The following PLG variants were observed in gnomAD, a reference collection of about 807,000 sequenced individuals.
PLG encodes the protein plasmin.
In PLG, 41 loss-of-function variants were observed where a neutral mutation model predicts 104.4. The observed-to-expected ratio is 0.39, with a 90% CI of 0.31 to 0.51. The LOEUF (loss-of-function observed/expected upper bound fraction) is 0.51. Ranked by LOEUF, PLG falls within the 20% of genes least tolerant of loss-of-function variation. The probability of loss-of-function intolerance (pLI) is 0.76; values close to 1 mark genes in which losing one functional copy is unlikely to be tolerated. For synonymous variants in PLG, 337 were observed against 357.1 expected (o/e 0.94, Z 0.63); for missense variants, 891 against 1,003.6 (o/e 0.89, Z 1.52).
At chr6:160,702,443 T>C (rs1057166489) in intron 1 of PLG, 90 bp downstream of exon 1, 3 of 1,322,504 alleles carry the variant, frequency 2.3e-6, no homozygotes, top group Non-Finnish European at 3.2e-6. Context: ...GTGCAATTCA[T>C]TTAATTTTTG....
Position 160,738,499 on chromosome 6 carries a change from A to G in PLG, c.1803-39A>G, listed in dbSNP as rs540027612. The G allele has an allele frequency of 1.7e-6, 2 of 1,205,556 alleles. No homozygotes were observed. Among genetic ancestry groups the G allele is most frequent in the East Asian group, 4.6e-5 (2 of 43,056 alleles). 74.7% of individuals were successfully genotyped at this position (1,205,556 alleles called of 1,614,324 possible). On this transcript the variant is annotated intron_variant, in intron 14 of 18. Coordinates refer to ENST00000308192, the MANE Select transcript of PLG (RefSeq NM_000301.5). The surrounding 1 kb of genome is among the most constrained non-coding windows in gnomAD (Gnocchi z 6.8). ...TCTGTACAATGGAGCAGAACAAAGT[A>G]TCAATTTAACTAAAATTTGAACTAA...
chr6:160,752,758 G>C lies in PLG; in HGVS notation c.2272-142G>C, dbSNP rs1778423267. On this transcript the variant is annotated intron_variant, in intron 18 of 18. Transcript: ENST00000308192. This position sits in a 1 kb window ranked among gnomAD's most constrained non-coding sequence, Gnocchi z 4.7. ...TTTTGCTAAGTACTTAAGCACTGCA[G>C]ATGCTTGAGTAATATGCTCATAAGT... 2 of 1,030,908 alleles carry C rather than the reference G, an allele frequency of 1.9e-6. No homozygotes were observed. Among genetic ancestry groups the C allele is most frequent in the Admixed American group, 3.9e-5 (2 of 51,172 alleles). The allele number at this position is 1,030,908 out of a possible 1,614,324, so 63.9% of individuals were successfully genotyped here. A position where few individuals can be genotyped will look rare whatever the true frequency, so the allele number is the denominator to read the frequency against.
chr6:160,718,279 T>A lies in PLG; in HGVS notation c.788-15T>A. The A allele has an allele frequency of 6.2e-7, 1 of 1,607,594 alleles. No homozygotes were observed. Among genetic ancestry groups the A allele is most frequent in the Non-Finnish European group, 8.5e-7 (1 of 1,174,050 alleles). On this transcript the variant is annotated splice_polypyrimidine_tract_variant and intron_variant, in intron 7 of 18. Transcript: ENST00000308192. ...AAATATATATATTCATTGTAACTTA[T>A]TTTGCCCATTCAAGCAACACCTCCA... is the stretch of plus-strand genomic sequence containing the variant.
intron 7 of PLG, among the ~76,000 whole-genome samples, chr6:160,717,093 G>T (rs1242184394): frequency 6.6e-6 from 1 of 152,048 alleles, no homozygotes; most frequent in East Asian, 1.9e-4. Context: ...TCTGACACAT[G>T]GATTTCATTT....
In PLG at chr6:160,738,735, G is replaced by T. The variant is rs896871613; in HGVS notation, c.1877+123G>T. The stretch of plus-strand genomic sequence containing the variant: ...TTCCTTCTCTGGCTGTGACACTAGG[G>T]ACCAGGCCAGGGCAATTGGATAAGA... On this transcript the variant is annotated intron_variant, in intron 15 of 18. Coordinates refer to ENST00000308192, the MANE Select transcript of PLG (RefSeq NM_000301.5). The surrounding 1 kb of genome is among the most constrained non-coding windows in gnomAD (Gnocchi z 6.8). 1.3e-6 allele frequency: 1 copy of T among 782,090 alleles called. No individual in the cohort carries two copies. Among genetic ancestry groups the T allele is most frequent in the Non-Finnish European group, 2.3e-6 (1 of 439,010 alleles). The allele number at this position is 782,090 out of a possible 1,614,324, so 48.4% of individuals were successfully genotyped here. A position where few individuals can be genotyped will look rare whatever the true frequency, so the allele number is the denominator to read the frequency against.
At chr6:160,705,576 C>T (rs1777506540) in intron 1 of PLG, 1 of 152,184 alleles carries the variant, frequency 6.6e-6, no homozygotes, top group African/African-American at 2.4e-5. Flanking sequence ...TTCTTACCCT[C>T]CAGTGTTTTG....
Position 160,706,445 on chromosome 6 carries a change from G to T in PLG, c.88G>T (p.Gly30Trp). The change falls in exon 2 of 19, where the codon GGG (glycine) becomes TGG (tryptophan). Residue 30 changes from glycine (G) to tryptophan (W), a missense_variant. By Grantham distance (184) the Gly-to-Trp change is radical. Transcript: ENST00000308192. ...EPLDDYVNTQ[G>W]ASLFSVTKKQ... The stretch of plus-strand genomic sequence containing the variant: ...TCTGGATGACTATGTGAATACCCAG[G>T]GGGCTTCACTGTTCAGTGTCACTAA... 1 of 1,613,630 alleles carries T rather than the reference G, an allele frequency of 6.2e-7. No individual in the cohort carries two copies. Among genetic ancestry groups the T allele is most frequent in the Non-Finnish European group, 8.5e-7 (1 of 1,179,686 alleles).
chr6:160,731,733 T>A lies in PLG; in HGVS notation c.1439-12T>A, dbSNP rs953930461. 4.3e-6 allele frequency: 7 copies of A among 1,613,296 alleles called. No homozygotes were observed. In the African/African-American group the frequency reaches 9.3e-5, roughly 22 times the overall value. Reference sequence around the variant, plus strand: ...GTGGCTCTTCATAATCATCCATTTTTTCCCTGTACAGACTGTATGTTTGGG... The same window carrying A: ...GTGGCTCTTCATAATCATCCATTTTATCCCTGTACAGACTGTATGTTTGGG... On this transcript the variant is annotated splice_polypyrimidine_tract_variant and intron_variant, in intron 11 of 18. Coordinates refer to ENST00000308192, the MANE Select transcript of PLG (RefSeq NM_000301.5). The surrounding 1 kb of genome is among the most constrained non-coding windows in gnomAD (Gnocchi z 5.1).
Position 160,733,978 on chromosome 6 carries a change from T to G in PLG, c.1588-17T>G. ...TGCCCCACGTGAGCTGGAGCTTACA[T>G]GCCTTCTTGTTTTCAGTACTGCCGT... On this transcript the variant is annotated splice_polypyrimidine_tract_variant and intron_variant, in intron 12 of 18. Coordinates refer to ENST00000308192, the MANE Select transcript of PLG (RefSeq NM_000301.5). 6.8e-7 allele frequency: 1 copy of G among 1,466,710 alleles called. No homozygotes were observed. Among genetic ancestry groups the G allele is most frequent in the Non-Finnish European group, 9.6e-7 (1 of 1,046,064 alleles). 90.9% of individuals were successfully genotyped at this position (1,466,710 alleles called of 1,614,324 possible). A position where few individuals can be genotyped will look rare whatever the true frequency, so the allele number is the denominator to read the frequency against.
chr6:160,732,663 G>C lies in PLG; in HGVS notation c.1587+770G>C, dbSNP rs114378143. On this transcript the variant is annotated intron_variant, in intron 12 of 18. Coordinates refer to ENST00000308192, the MANE Select transcript of PLG (RefSeq NM_000301.5). The surrounding 1 kb of genome is among the most constrained non-coding windows in gnomAD (Gnocchi z 4.5). ...GTTTTTCTACTTGATTACTTTGCTAGAGTGGCTCACAGAACTCAGGGGAAC... is the reference window on the plus strand; with the variant it reads ...GTTTTTCTACTTGATTACTTTGCTACAGTGGCTCACAGAACTCAGGGGAAC... Among the ~76,000 whole-genome samples, 6,367 of 152,232 alleles carry C rather than the reference G, an allele frequency of 0.042. 382 individuals are homozygous for C. The highest frequency in any genetic ancestry group is 0.13 in the African/African-American group (5,269 of 41,520).
chr6:160,713,469 A>C, intron 5 of PLG: 1 of 324,408 alleles, frequency 3.1e-6, no homozygotes, highest in East Asian at 7.8e-5. Context: ...GGGTTTCTCC[A>C]CGTAGGTCAG....
chr6:160,730,903 T>C (rs1192074961), intron 10 of PLG, 148 bp from the exon 11 acceptor site: 4 of 749,712 alleles, frequency 5.3e-6, no homozygotes, highest in Non-Finnish European at 9.0e-6. Context: ...TTGAGGACCA[T>C]TTTTGTTTGT....
In PLG at chr6:160,737,087, A is replaced by G; in HGVS notation, c.1802+80A>G. ...ACCCTTCTACATTTACATAAAATCC[A>G]CACAGCTGAGGCATCAGCACCTGCC... On this transcript the variant is annotated intron_variant, in intron 14 of 18. Transcript: ENST00000308192. This position sits in a 1 kb window ranked among gnomAD's most constrained non-coding sequence, Gnocchi z 4.7. 2.5e-6 allele frequency: 4 copies of G among 1,593,094 alleles called. No homozygotes were observed. The highest frequency in any genetic ancestry group is 3.4e-6 in the Non-Finnish European group (4 of 1,167,354).
At chr6:160,750,844 G>A (rs1165925156) in intron 17 of PLG, among the ~76,000 whole-genome samples, 7 of 152,274 alleles carry the variant, frequency 4.6e-5, no homozygotes, top group African/African-American at 1.7e-4. Flanking sequence ...TAGATTATTT[G>A]TGACGACACT....
At chr6:160,705,196 G>A (rs190843656) in intron 1 of PLG, among the ~76,000 whole-genome samples, 122 of 152,254 alleles carry the variant, frequency 8.0e-4, no homozygotes, top group Non-Finnish European at 1.5e-3. Context: ...CAAATCACTA[G>A]CATTCTGTGC....
intron 6 of PLG, among the ~76,000 whole-genome samples, chr6:160,715,956 C>A (rs1777721322): frequency 6.6e-6 from 1 of 152,246 alleles, no homozygotes; most frequent in Non-Finnish European, 1.5e-5. Context: ...GTGCATCCAA[C>A]AGCCCTGGCC....
At chr6:160,720,030 T>C (rs2115164846) in intron 9 of PLG, among the ~76,000 whole-genome samples, 1 of 152,324 alleles carries the variant, frequency 6.6e-6, no homozygotes, top group Middle Eastern at 3.4e-3. Flanking sequence ...CTTTTAGCAT[T>C]TTTTGTAGCA....
intron 10 of PLG, among the ~76,000 whole-genome samples, chr6:160,729,852 A>G (rs1264302119): frequency 6.6e-6 from 1 of 152,250 alleles, no homozygotes; most frequent in Admixed American, 6.5e-5. Flanking sequence ...ACCAAACAAC[A>G]TTTAAGATCT....
rs572590316 is a variant in PLG at position 160,706,388 on chromosome 6, T to C, written c.50-19T>C. ...TTGATTTACTGACCATTTATTCCAC[T>C]TGGATCTCCCACCTCTAGGTCAAGG... On this transcript the variant is annotated intron_variant, in intron 1 of 18. Transcript: ENST00000308192. The C allele has an allele frequency of 1.4e-5, 23 of 1,612,034 alleles. No homozygotes were observed. In the East Asian group the frequency reaches 3.1e-4, roughly 22 times the overall value.
Sources: allele counts gnomAD v4.1 joint callset (sites outside exome capture counted in the v4.1 genomes callset), GRCh38; gene constraint gnomAD v4.1.1; non-coding constraint Gnocchi (gnomAD v3.1); transcripts MANE v1.5; gene names NCBI Gene and HGNC (gene_info 2026-07-23, HGNC 2026-07-21).